FHIP1A: variants seen among roughly 807,000 people sequenced by gnomAD.
FHIP1A encodes FHF complex subunit HOOK interacting protein 1A.
A neutral mutation model predicts 88.6 loss-of-function variants in FHIP1A; 61 were observed. The observed-to-expected ratio is 0.69, with a 90% confidence interval of 0.56 to 0.85. FHIP1A has a LOEUF of 0.85. Ranked by LOEUF, FHIP1A falls within the 40% of genes least tolerant of loss-of-function variation. FHIP1A has a pLI of 0.00. For synonymous variants in FHIP1A, 478 were observed against 496.0 expected, an observed-to-expected ratio of 0.96 and a Z score of 0.48; for missense variants, 1,154 against 1,273.5, an observed-to-expected ratio of 0.91 and a Z score of 1.43.
At chr4:151,414,359 T>G (rs1241813800) in intron 1 of FHIP1A, among the ~76,000 whole-genome samples, 1 of 152,224 alleles carries the variant, frequency 6.6e-6, no homozygotes, top group Non-Finnish European at 1.5e-5. Flanking sequence ...GGCCTCTATC[T>G]AGTTTTTACA....
intron 1 of FHIP1A, among the ~76,000 whole-genome samples, chr4:151,427,094 G>C (rs933513432): frequency 6.6e-6 from 1 of 151,966 alleles, no homozygotes; most frequent in Non-Finnish European, 1.5e-5. Context: ...GGCTATTCAA[G>C]TTACTTCACC....
intron 2 of FHIP1A, among the ~76,000 whole-genome samples, chr4:151,473,339 C>T (rs1436317657): frequency 2.0e-5 from 3 of 151,886 alleles, no homozygotes; most frequent in Non-Finnish European, 4.4e-5. Context: ...TATTTTAAGA[C>T]TCTAGCTTTA....
chr4:151,545,442 A>G (rs781331468), intron 3 of FHIP1A, among the ~76,000 whole-genome samples: 1 of 126,954 alleles, frequency 7.9e-6, no homozygotes, highest in Non-Finnish European at 1.6e-5. Flanking sequence ...CAATGGCATG[A>G]TCTCGGCTCA....
intron 4 of FHIP1A, among the ~76,000 whole-genome samples, chr4:151,572,774 G>A (rs993635994): frequency 4.6e-5 from 7 of 152,164 alleles, no homozygotes; most frequent in Non-Finnish European, 1.0e-4. Flanking sequence ...TCTAACTTTG[G>A]TAGCATAAAT....
At chr4:151,542,198 G>A (rs959579957) in intron 3 of FHIP1A, among the ~76,000 whole-genome samples, 5 of 152,116 alleles carry the variant, frequency 3.3e-5, no homozygotes, top group African/African-American at 9.7e-5. Flanking sequence ...CTACAACACA[G>A]TGTTGTGTGT....
At chr4:151,654,937 T>C (rs1333956879) in intron 11 of FHIP1A, among the ~76,000 whole-genome samples, 1 of 152,186 alleles carries the variant, frequency 6.6e-6, no homozygotes, top group Non-Finnish European at 1.5e-5. Flanking sequence ...AGAGACATCC[T>C]TAGTGTTCCT....
At chr4:151,640,976 A>G (rs1358191265) in intron 9 of FHIP1A, among the ~76,000 whole-genome samples, 5 of 151,968 alleles carry the variant, frequency 3.3e-5, no homozygotes, top group Non-Finnish European at 7.4e-5. Context: ...AGGGATAGTC[A>G]TTTCTAGGGT....
chr4:151,527,868 C>CA (rs201895771), intron 3 of FHIP1A, among the ~76,000 whole-genome samples: 4,550 of 151,662 alleles, frequency 0.03, 93 homozygotes, highest in Middle Eastern at 0.041. Context: ...TTATAGGCTG[C>CA]AAAAAACCAC....
chr4:151,488,445 C>T (rs556019498), intron 3 of FHIP1A, among the ~76,000 whole-genome samples: 1 of 152,186 alleles, frequency 6.6e-6, no homozygotes, highest in African/African-American at 2.4e-5. Context: ...CCAGCTGCAT[C>T]CATATTGTTG....
chr4:151,447,488 C>T (rs1236310245), intron 1 of FHIP1A, among the ~76,000 whole-genome samples: 3 of 152,152 alleles, frequency 2.0e-5, no homozygotes, highest in African/African-American at 7.2e-5. Context: ...TTCATTTCCT[C>T]GAATCACCAT....
intron 3 of FHIP1A, among the ~76,000 whole-genome samples, chr4:151,485,130 C>T (rs1007105716): frequency 2.2e-4 from 33 of 152,158 alleles, no homozygotes; most frequent in Admixed American, 2.0e-3. Context: ...GTTCATTTTG[C>T]ACATATCTTT....
At chr4:151,604,028 C>T (rs1734974747) in intron 7 of FHIP1A, among the ~76,000 whole-genome samples, 1 of 152,186 alleles carries the variant, frequency 6.6e-6, no homozygotes, top group Non-Finnish European at 1.5e-5. Flanking sequence ...TGTTCTTGGT[C>T]TACATGCTGT....
chr4:151,574,825 G>A, intron 4 of FHIP1A, among the ~76,000 whole-genome samples: 1 of 152,010 alleles, frequency 6.6e-6, no homozygotes, highest in East Asian at 1.9e-4. Flanking sequence ...AATTTACTTA[G>A]TATTTATTTT....
chr4:151,499,440 C>T (rs1015843761), intron 3 of FHIP1A, among the ~76,000 whole-genome samples: 2 of 152,226 alleles, frequency 1.3e-5, no homozygotes, highest in Non-Finnish European at 2.9e-5. Context: ...CTGAACTACT[C>T]TATCTGATGA....
intron 7 of FHIP1A, among the ~76,000 whole-genome samples, chr4:151,607,165 G>T (rs193097298): frequency 1.1e-4 from 17 of 152,332 alleles, no homozygotes; most frequent in African/African-American, 3.6e-4. Flanking sequence ...GCTCAGCTGG[G>T]ATAGGAGTGG....
intron 2 of FHIP1A, among the ~76,000 whole-genome samples, chr4:151,481,778 A>G (rs1409864374): frequency 1.3e-5 from 2 of 152,008 alleles, no homozygotes; most frequent in East Asian, 1.9e-4. Context: ...TTTAGTATCT[A>G]TGTTGGCTTC....
chr4:151,656,327 G>A lies in FHIP1A; in HGVS notation c.2647G>A (p.Ala883Thr), dbSNP rs1170106952. The A allele has an allele frequency of 3.2e-6, 5 of 1,551,638 alleles. No individual in the cohort carries two copies. Among genetic ancestry groups the A allele is most frequent in the Non-Finnish European group, 4.4e-6 (5 of 1,146,992 alleles). The change falls in exon 12 of 14, where the codon GCC becomes ACC. Residue 883 changes from alanine (A) to threonine (T), a missense_variant. Coordinates refer to ENST00000435205, the MANE Select transcript of FHIP1A (RefSeq NM_001109977.3). The surrounding 1 kb of genome is among the most constrained non-coding windows in gnomAD (Gnocchi z 4.2). ...LLLIGIITQL[A>T]SYPQPLLRSF... Reference sequence around the variant, plus strand: ...GCTTATCGGGATCATTACTCAGCTAGCCAGCTACCCCCAGCCACTCCTGCG... The same window carrying A: ...GCTTATCGGGATCATTACTCAGCTAACCAGCTACCCCCAGCCACTCCTGCG...
Position 151,454,810 on chromosome 4 carries a change from T to G in FHIP1A, c.-248+2T>G, listed in dbSNP as rs1425888586. 2.0e-5 allele frequency: 3 copies of G among 152,158 alleles called. No homozygotes were observed. The highest frequency in any genetic ancestry group is 7.2e-5 in the African/African-American group (3 of 41,442). 9.4% of individuals were successfully genotyped at this position (152,158 alleles called of 1,614,324 possible). A position where few individuals can be genotyped will look rare whatever the true frequency, so the allele number is the denominator to read the frequency against. On this transcript the variant is annotated splice_donor_variant, in intron 2 of 13. Coordinates refer to ENST00000435205, the MANE Select transcript of FHIP1A (RefSeq NM_001109977.3). LOFTEE classifies it low-confidence loss of function (5UTR_SPLICE). Reference sequence around the variant, plus strand: ...AAGGTTAGCGTCAAAGAAGTTGAGGTAGGAATATTTATAAATACGTTCCTT... The same window carrying G: ...AAGGTTAGCGTCAAAGAAGTTGAGGGAGGAATATTTATAAATACGTTCCTT...
intron 3 of FHIP1A, among the ~76,000 whole-genome samples, chr4:151,523,239 T>G (rs191303371): frequency 2.0e-5 from 3 of 152,182 alleles, no homozygotes; most frequent in African/African-American, 7.2e-5. Context: ...CAGGGTTTTT[T>G]TTGGGCTTAA....
Sources: allele counts gnomAD v4.1 joint callset (sites outside exome capture counted in the v4.1 genomes callset), GRCh38; gene constraint gnomAD v4.1.1; non-coding constraint Gnocchi (gnomAD v3.1); transcripts MANE v1.5; gene names NCBI Gene and HGNC (gene_info 2026-07-23, HGNC 2026-07-21).